PAX9: variants seen among roughly 807,000 people sequenced by gnomAD.
The protein encoded by PAX9 is paired box protein Pax-9.
A neutral mutation model predicts 29.1 loss-of-function variants in PAX9; 6 were observed. The observed-to-expected ratio is 0.21, with a 90% CI of 0.11 to 0.41. PAX9 has a LOEUF of 0.41. Ranked by LOEUF, PAX9 falls within the 10% of genes least tolerant of loss-of-function variation. The pLI, the probability that PAX9 is intolerant of heterozygous loss-of-function variation, is 1.00. For synonymous variants in PAX9, 217 were observed against 211.7 expected (o/e 1.03, Z -0.22); for missense variants, 443 against 479.1 (o/e 0.92, Z 0.70).
In PAX9 at chr14:36,662,008, C is replaced by A; in HGVS notation, c.-82C>A. 6.5e-7 allele frequency: 1 copy of A among 1,538,910 alleles called. No individual in the cohort carries two copies. The highest frequency in any genetic ancestry group is 8.8e-7 in the Non-Finnish European group (1 of 1,136,600). On this transcript the variant is annotated 5_prime_UTR_variant, in exon 1 of 4. Transcript: ENST00000361487. ...CGCCGGCGGTCGGCCGGGATAGCAA[C>A]AGGCCGGGCCACTGAGGCGGTGCGG...
At chr14:36,672,637 T>G (rs1881726696) in intron 3 of PAX9, among the ~76,000 whole-genome samples, 1 of 151,802 alleles carries the variant, frequency 6.6e-6, no homozygotes, top group Admixed American at 6.6e-5. Flanking sequence ...ACTTGCTCCT[T>G]TTTTTTCTAA....
Position 36,678,823 on chromosome 14 carries a change from A to T in PAX9, c.*2371A>T. 1 of 996,228 alleles carries T rather than the reference A, an allele frequency of 1.0e-6. No homozygotes were observed. Among genetic ancestry groups the T allele is most frequent in the Non-Finnish European group, 1.2e-6 (1 of 828,974 alleles). The allele number at this position is 996,228 out of a possible 1,614,324, so 61.7% of individuals were successfully genotyped here. Reference sequence around the variant, plus strand: ...TCCTTTTCTCCCTCTAGGTCTTAACAGTGAATTCACATGGAGTAATTTTTA... The same window carrying T: ...TCCTTTTCTCCCTCTAGGTCTTAACTGTGAATTCACATGGAGTAATTTTTA... On this transcript the variant is annotated 3_prime_UTR_variant, in exon 4 of 4. Transcript: ENST00000361487.
intron 3 of PAX9, among the ~76,000 whole-genome samples, chr14:36,669,743 T>C (rs2139116576): frequency 6.6e-6 from 1 of 152,240 alleles, no homozygotes; most frequent in South Asian, 2.1e-4. Flanking sequence ...GCTATGCATA[T>C]ACCTATCTTT....
At chr14:36,675,662 T>A (rs1425949811) in intron 3 of PAX9, among the ~76,000 whole-genome samples, 1 of 152,218 alleles carries the variant, frequency 6.6e-6, no homozygotes. Context: ...TTCAATATGA[T>A]CTCTTAAAAT....
At chr14:36,676,101 G>A (rs1594475354) in intron 3 of PAX9, 97 bp from the exon 4 acceptor site, 1 of 1,315,676 alleles carries the variant, frequency 7.6e-7, no homozygotes, top group Non-Finnish European at 1.1e-6. Flanking sequence ...GAGCATTGCT[G>A]GCTTACTCAG....
At chr14:36,662,700 G>A in intron 1 of PAX9, 197 bp from the exon 2 acceptor site, 1 of 646,834 alleles carries the variant, frequency 1.5e-6, no homozygotes, top group Non-Finnish European at 2.6e-6. Flanking sequence ...AGGAATGAGG[G>A]AGGGGGTCCG....
intron 2 of PAX9, among the ~76,000 whole-genome samples, chr14:36,664,850 G>A (rs1207551341): frequency 1.3e-5 from 2 of 152,096 alleles, no homozygotes; most frequent in Admixed American, 6.5e-5. Context: ...CTGACTGCAA[G>A]TTTACAAGAG....
chr14:36,677,930 A>G lies in PAX9; in HGVS notation c.*1478A>G. On this transcript the variant is annotated 3_prime_UTR_variant, in exon 4 of 4. Coordinates refer to ENST00000361487, the MANE Select transcript of PAX9 (RefSeq NM_001372076.1). ...TTGATTTTCTGGGGCAAAATTCTAC[A>G]GTTTTTAATCCCTTCTGTTTAGGAA... The G allele has an allele frequency of 6.5e-6, 1 of 152,772 alleles. No individual in the cohort carries two copies. The highest frequency in any genetic ancestry group is 1.9e-4 in the East Asian group (1 of 5,222). The allele number at this position is 152,772 out of a possible 1,614,324, so 9.5% of individuals were successfully genotyped here. A position where few individuals can be genotyped will look rare whatever the true frequency, so the allele number is the denominator to read the frequency against.
intron 3 of PAX9, among the ~76,000 whole-genome samples, chr14:36,673,144 G>T (rs34710095): frequency 0.41 from 62,288 of 151,342 alleles, 13,511 homozygotes; most frequent in East Asian, 0.73. Context: ...GGGATTACAG[G>T]CGTGAGCCAC....
At chr14:36,660,709 C>T (rs1411727659), upstream of PAX9, among the ~76,000 whole-genome samples, 3 of 152,214 alleles carry the variant, frequency 2.0e-5, no homozygotes, top group Non-Finnish European at 4.4e-5. Flanking sequence ...GAGTTCACGA[C>T]CCCAAGCAGT....
At chr14:36,671,228 C>A in intron 3 of PAX9, 1 of 231,952 alleles carries the variant, frequency 4.3e-6, no homozygotes, top group Non-Finnish European at 8.8e-6. Context: ...CTGTTATTTG[C>A]ATTTATCTTC....
chr14:36,658,266 A>G (rs1881108837), upstream of PAX9, among the ~76,000 whole-genome samples: 4 of 152,072 alleles, frequency 2.6e-5, no homozygotes, highest in South Asian at 8.3e-4. Flanking sequence ...GCTAGAAGTC[A>G]ATGCACTATG....
intron 1 of PAX9, 98 bp from the exon 2 acceptor site, chr14:36,662,799 C>A: frequency 7.0e-7 from 1 of 1,438,434 alleles, no homozygotes; most frequent in Non-Finnish European, 9.6e-7. Context: ...GGGACGGGTG[C>A]GTTCGCCCAG....
Position 36,678,775 on chromosome 14 carries a change from C to A in PAX9, c.*2323C>A. 1.9e-6 allele frequency: 2 copies of A among 1,068,642 alleles called. No homozygotes were observed. The highest frequency in any genetic ancestry group is 2.3e-6 in the Non-Finnish European group (2 of 874,020). The allele number at this position is 1,068,642 out of a possible 1,614,324, so 66.2% of individuals were successfully genotyped here. A position where few individuals can be genotyped will look rare whatever the true frequency, so the allele number is the denominator to read the frequency against. ...TTCTGGTTCTTGTATTTTAAAAAAT[C>A]TAATATTAATGGTATTGAAGTTTCC... On this transcript the variant is annotated 3_prime_UTR_variant, in exon 4 of 4. Coordinates refer to ENST00000361487, the MANE Select transcript of PAX9 (RefSeq NM_001372076.1).
upstream of PAX9, among the ~76,000 whole-genome samples, chr14:36,658,374 G>GT (rs1491416717): frequency 2.2e-5 from 2 of 89,612 alleles, no homozygotes; most frequent in Non-Finnish European, 4.2e-5. Context: ...GGCCTCGCTT[G>GT]GGGGGGGGGG....
chr14:36,673,717 G>T (rs1881780136), intron 3 of PAX9, among the ~76,000 whole-genome samples: 3 of 152,092 alleles, frequency 2.0e-5, no homozygotes. Context: ...AAAAAGAATG[G>T]GTAGGAAAAA....
At position 36,663,276 on chromosome 14, in the gene PAX9, C is replaced by T. The variant is rs1283707576; in HGVS notation, c.384C>T (p.Arg128=). ...TGAGCTCCATCAGCCGCATTCTGCGCAACAAGATCGGCAACTTGGCCCAGC... is the reference window on the plus strand; with the variant it reads ...TGAGCTCCATCAGCCGCATTCTGCGTAACAAGATCGGCAACTTGGCCCAGC... The part of the protein sequence containing the change: ...PSVSSISRIL[R]NKIGNLAQQG... The change falls in exon 2 of 4, where the codon CGC becomes CGT. Residue 128 remains arginine (R), a synonymous_variant. Coordinates refer to ENST00000361487, the MANE Select transcript of PAX9 (RefSeq NM_001372076.1). The T allele has an allele frequency of 8.1e-6, 13 of 1,614,104 alleles. No individual in the cohort carries two copies. Among genetic ancestry groups the T allele is most frequent in the African/African-American group, 1.3e-5 (1 of 74,958 alleles).
In PAX9 at chr14:36,663,458, C is replaced by T; in HGVS notation, c.566C>T (p.Pro189Leu). The T allele has an allele frequency of 1.2e-6, 2 of 1,613,014 alleles. No homozygotes were observed. Among genetic ancestry groups the T allele is most frequent in the Non-Finnish European group, 1.7e-6 (2 of 1,179,792 alleles). Residue 189 changes from proline (P) to leucine (L), a missense_variant, in exon 2 of 4, where the codon CCG becomes CTG. Physicochemically the swap from Pro to Leu is moderately conservative, Grantham distance 98. Around this residue, in one of 2 missense-constraint regions of PAX9, gnomAD observed 336 missense variants for 317.2 expected, o/e 1.06. Coordinates refer to ENST00000361487, the MANE Select transcript of PAX9 (RefSeq NM_001372076.1). ...VPAIPGSVAM[P>L]RTWPSSHSVT... The stretch of plus-strand genomic sequence containing the variant: ...GCCATCCCCGGTTCGGTGGCCATGC[C>T]GCGCACCTGGCCCTCCTCGCACTCC...
intron 2 of PAX9, among the ~76,000 whole-genome samples, chr14:36,664,706 A>G (rs1408248034): frequency 6.6e-6 from 1 of 152,110 alleles, no homozygotes; most frequent in Non-Finnish European, 1.5e-5. Context: ...TTAAAAGTGT[A>G]GAGGAAAAAT....
Sources: gnomAD v4.1 joint callset for allele counts (sites outside exome capture counted in the v4.1 genomes callset) on GRCh38, gnomAD v4.1.1 for gene constraint, gnomAD v4.1.1 regional missense constraint, MANE v1.5 for transcripts, NCBI Gene and HGNC (gene_info 2026-07-23, HGNC 2026-07-21) for gene names.